Variants in ARPP21 observed in about 807,000 individuals in gnomAD.
ARPP21 encodes the protein cAMP-regulated phosphoprotein 21.
A neutral mutation model predicts 113.2 loss-of-function variants in ARPP21; 69 were observed. That is an observed-to-expected ratio of 0.61 (90% CI 0.50 to 0.74). ARPP21 has a LOEUF of 0.74. ARPP21 is among the 30% of genes least tolerant of loss of function. The probability of loss-of-function intolerance (pLI) is 0.00; values close to 1 mark genes in which losing one functional copy is unlikely to be tolerated. For synonymous variants in ARPP21, 368 were observed against 375.5 expected (o/e 0.98, Z 0.23); for missense variants, 1,070 against 1,037.4 (o/e 1.03, Z -0.43).
chr3:35,728,215 C>CT (rs775065085), intron 14 of ARPP21, among the ~76,000 whole-genome samples: 2,287 of 105,154 alleles, frequency 0.022, 205 homozygotes, highest in Non-Finnish European at 0.028. Flanking sequence ...GATTCCTTGC[C>CT]TTTTTTTTTT....
intron 2 of ARPP21, among the ~76,000 whole-genome samples, chr3:35,680,173 A>G (rs1010746329): frequency 2.0e-5 from 3 of 151,888 alleles, no homozygotes; most frequent in Non-Finnish European, 2.9e-5. Context: ...AATACTCTAA[A>G]AAACAAGTTA....
In ARPP21 at chr3:35,793,954, T is replaced by A; in HGVS notation, c.2540T>A (p.Phe847Tyr). Reference sequence around the variant, plus strand: ...AGCAATGCTGGTTGGCAGGTCAAATTCTGAGAGCTCTGGCTGTGGTACATT... The same window carrying A: ...AGCAATGCTGGTTGGCAGGTCAAATACTGAGAGCTCTGGCTGTGGTACATT... ...SMSNAGWQVK[F>Y] Residue 847 changes from phenylalanine to tyrosine, a missense_variant, in exon 21 of 21, where the codon TTC becomes TAC. Physicochemically the swap from Phe to Tyr is conservative, Grantham distance 22. Transcript: ENST00000684406. 1 of 1,612,640 alleles carries A rather than the reference T, an allele frequency of 6.2e-7. No homozygotes were observed.
At chr3:35,667,951 GAAGAA>G (rs2075056448) in intron 1 of ARPP21, among the ~76,000 whole-genome samples, 1 of 12,506 alleles carries the variant, frequency 8.0e-5, no homozygotes, top group Non-Finnish European at 1.7e-4. Flanking sequence ...AAGAAGAAAA[GAAGAA>G]GAAGAAGAAG....
At chr3:35,703,431 A>G (rs928604580) in intron 9 of ARPP21, among the ~76,000 whole-genome samples, 22 of 151,944 alleles carry the variant, frequency 1.4e-4, no homozygotes, top group African/African-American at 5.3e-4. Context: ...GGGGTTGCCA[A>G]GAAATTGACC....
At chr3:35,756,308 G>GCCT (rs2095567236) in intron 19 of ARPP21, among the ~76,000 whole-genome samples, 1 of 152,074 alleles carries the variant, frequency 6.6e-6, no homozygotes, top group Non-Finnish European at 1.5e-5. Flanking sequence ...ACTCTGTTTA[G>GCCT]AGCTTATGCG....
chr3:35,680,560 A>G (rs2078598316), intron 2 of ARPP21, among the ~76,000 whole-genome samples: 2 of 152,090 alleles, frequency 1.3e-5, no homozygotes, highest in South Asian at 4.1e-4. Flanking sequence ...TTACTGAATT[A>G]GTAAATGGTA....
intron 1 of ARPP21, among the ~76,000 whole-genome samples, chr3:35,670,164 A>G (rs1249199750): frequency 6.6e-6 from 1 of 152,132 alleles, no homozygotes; most frequent in Non-Finnish European, 1.5e-5. Context: ...AAAAGTATTA[A>G]ATATTTTGAA....
chr3:35,715,692 T>C (rs914884498), intron 12 of ARPP21: 3 of 368,508 alleles, frequency 8.1e-6, no homozygotes, highest in African/African-American at 2.1e-5. Flanking sequence ...CCAAACAGAA[T>C]TGTAAAACTT....
chr3:35,750,357 C>T (rs1240099778), intron 19 of ARPP21, among the ~76,000 whole-genome samples: 1 of 151,720 alleles, frequency 6.6e-6, no homozygotes, highest in Non-Finnish European at 1.5e-5. Context: ...TGCTTAATGC[C>T]CCAGTGTTTA....
At chr3:35,774,247 A>G (rs1263994905) in intron 19 of ARPP21, among the ~76,000 whole-genome samples, 1 of 152,014 alleles carries the variant, frequency 6.6e-6, no homozygotes, top group Non-Finnish European at 1.5e-5. Context: ...CAAGGCCCTT[A>G]TAAGAAAATT....
intron 1 of ARPP21, among the ~76,000 whole-genome samples, chr3:35,654,058 T>C (rs1292131053): frequency 1.3e-5 from 2 of 152,028 alleles, no homozygotes; most frequent in African/African-American, 4.8e-5. Flanking sequence ...CCATCTTAAT[T>C]TGAAGCAGTG....
intron 19 of ARPP21, among the ~76,000 whole-genome samples, chr3:35,775,960 A>G (rs1291091280): frequency 6.6e-6 from 1 of 152,134 alleles, no homozygotes; most frequent in African/African-American, 2.4e-5. Flanking sequence ...ATTTTCAAAC[A>G]TTGTTTGGAT....
intron 9 of ARPP21, among the ~76,000 whole-genome samples, chr3:35,693,004 T>C (rs1286975565): frequency 2.0e-5 from 3 of 151,690 alleles, no homozygotes; most frequent in African/African-American, 4.8e-5. Flanking sequence ...GGCTAGTAGG[T>C]ATCATATTAC....
At chr3:35,722,681 A>G (rs1487176519) in intron 14 of ARPP21, among the ~76,000 whole-genome samples, 1 of 152,202 alleles carries the variant, frequency 6.6e-6, no homozygotes, top group South Asian at 2.1e-4. Context: ...AGTTTGCATG[A>G]ACAGTCTTTG....
At chr3:35,717,466 C>A (rs1021449619) in intron 13 of ARPP21, 109 bp downstream of exon 13, 1 of 707,042 alleles carries the variant, frequency 1.4e-6, no homozygotes, top group Non-Finnish European at 2.5e-6. Flanking sequence ...TTAAAAAAGT[C>A]TGGTTATCTC....
At chr3:35,783,412 T>G (rs1289476104) in intron 19 of ARPP21, among the ~76,000 whole-genome samples, 3 of 152,124 alleles carry the variant, frequency 2.0e-5, no homozygotes, top group Admixed American at 1.3e-4. Context: ...CTGGAATTTA[T>G]TCTTGTGTTT....
At chr3:35,685,822 C>A in intron 5 of ARPP21, 1 of 802,364 alleles carries the variant, frequency 1.2e-6, no homozygotes, top group Non-Finnish European at 1.5e-6. Context: ...TATTTATTAA[C>A]ACTTGTATTT....
intron 19 of ARPP21, among the ~76,000 whole-genome samples, chr3:35,753,041 AGTGTGTGTGTGTGTGT>A (rs3086930): frequency 6.9e-6 from 1 of 143,978 alleles, no homozygotes; most frequent in Non-Finnish European, 1.5e-5. Flanking sequence ...TATGGCAGGA[AGTGTGTGTGTGTGTGT>A]GTGTGTGTGT....
chr3:35,647,762 A>G (rs1013459867), intron 1 of ARPP21, among the ~76,000 whole-genome samples: 4 of 152,130 alleles, frequency 2.6e-5, no homozygotes, highest in African/African-American at 9.7e-5. Flanking sequence ...CACAGTTTCT[A>G]CAGTTAAAGT....
Sources: allele counts gnomAD v4.1 joint callset (sites outside exome capture counted in the v4.1 genomes callset), GRCh38; gene constraint gnomAD v4.1.1; transcripts MANE v1.5; gene names NCBI Gene and HGNC (gene_info 2026-07-23, HGNC 2026-07-21).